RGPD4: variants seen among roughly 807,000 people sequenced by gnomAD.
RGPD4 encodes ranBP2-like and GRIP domain-containing protein 4.
In RGPD4, 84 loss-of-function variants were observed where a neutral mutation model predicts 141.1. The ratio of observed to expected loss-of-function variants is 0.60; its 90% CI spans 0.50 to 0.71. The LOEUF is 0.71. Among genes scored for constraint, RGPD4 ranks in the 30% least tolerant of loss-of-function variants. RGPD4 has a pLI of 0.00. For missense variants in RGPD4, 918 were observed against 1,622.4 expected (o/e 0.57, Z 7.46); for synonymous variants, 298 against 566.8 (o/e 0.53, Z 6.74).
intron 21 of RGPD4, among the ~76,000 whole-genome samples, chr2:107,881,326 CTTTTTT>C: frequency 7.2e-6 from 1 of 138,512 alleles, no homozygotes; most frequent in Middle Eastern, 3.6e-3. Flanking sequence ...GTTATATTTT[CTTTTTT>C]TTTTTGAGAT....
At chr2:107,888,439 C>T (rs1326252970) in intron 22 of RGPD4, among the ~76,000 whole-genome samples, 1 of 151,310 alleles carries the variant, frequency 6.6e-6, no homozygotes, top group African/African-American at 2.4e-5. Flanking sequence ...AACAAGGTTA[C>T]CTCACTTGGA....
chr2:107,888,356 G>T (rs2912706), intron 22 of RGPD4, among the ~76,000 whole-genome samples: 1 of 150,604 alleles, frequency 6.6e-6, no homozygotes. Context: ...ACCATTCATT[G>T]CAGGTGAACA....
chr2:107,854,327 CAG>C (rs1303736253), intron 7 of RGPD4, among the ~76,000 whole-genome samples: 3 of 151,524 alleles, frequency 2.0e-5, no homozygotes, highest in African/African-American at 7.3e-5. Context: ...GCCTCCCAGA[CAG>C]AGTGTTGGGA....
chr2:107,865,476 C>G (rs832369), intron 17 of RGPD4, among the ~76,000 whole-genome samples: 65,493 of 99,638 alleles, frequency 0.66, 21,028 homozygotes, highest in Middle Eastern at 0.73. Context: ...AGGATGGTCA[C>G]TGTAATGTTA....
chr2:107,831,341 T>G (rs1444970949), intron 1 of RGPD4, among the ~76,000 whole-genome samples: 1 of 146,116 alleles, frequency 6.8e-6, no homozygotes, highest in Admixed American at 6.9e-5. Context: ...TATTTATATT[T>G]TTTTTAGAAT....
Position 107,870,759 on chromosome 2 carries a change from T to A in RGPD4, c.2755T>A (p.Ser919Thr). The change falls in exon 20 of 23, where the codon TCT becomes ACT. Residue 919 changes from serine to threonine, a missense_variant. Physicochemically the swap from Ser to Thr is moderately conservative, Grantham distance 58. Coordinates refer to ENST00000408999, the MANE Select transcript of RGPD4 (RefSeq NM_182588.3). ...STKEGFSIPV[S>T]ADGFKFGISE... The stretch of plus-strand genomic sequence containing the variant: ...CAAAGAAGGATTTTCCATCCCTGTG[T>A]CTGCTGATGGATTTAAATTTGGCAT... 1 of 1,610,316 alleles carries A rather than the reference T, an allele frequency of 6.2e-7. No homozygotes were observed. Among genetic ancestry groups the A allele is most frequent in the Non-Finnish European group, 8.5e-7 (1 of 1,179,382 alleles).
intron 1 of RGPD4, among the ~76,000 whole-genome samples, chr2:107,833,834 C>T (rs187512035): frequency 4.6e-5 from 7 of 152,180 alleles, no homozygotes; most frequent in Non-Finnish European, 8.8e-5. Flanking sequence ...GTCGAGAGAG[C>T]GACACCATCT....
chr2:107,868,412 A>G (rs1259094887), intron 18 of RGPD4, among the ~76,000 whole-genome samples: 2 of 151,084 alleles, frequency 1.3e-5, no homozygotes, highest in African/African-American at 4.9e-5. Flanking sequence ...AACAAAAGTG[A>G]TATCAATTTT....
chr2:107,849,578 G>A (rs1179035944), intron 7 of RGPD4, among the ~76,000 whole-genome samples: 1 of 41,092 alleles, frequency 2.4e-5, no homozygotes, highest in Non-Finnish European at 5.0e-5. Flanking sequence ...CACCATGTTA[G>A]CCAGGATGGT....
intron 22 of RGPD4, among the ~76,000 whole-genome samples, chr2:107,885,098 G>A (rs1050340161): frequency 1.3e-5 from 2 of 151,866 alleles, no homozygotes; most frequent in Non-Finnish European, 2.9e-5. Context: ...TGTCACAAGG[G>A]CCCAAATAAG....
At chr2:107,885,885 T>C (rs1252676144) in intron 22 of RGPD4, among the ~76,000 whole-genome samples, 5 of 151,824 alleles carry the variant, frequency 3.3e-5, no homozygotes, top group Admixed American at 2.0e-4. Context: ...AAACCCCGTC[T>C]CTACTCAGAA....
intron 22 of RGPD4, among the ~76,000 whole-genome samples, 173 bp from the exon 23 acceptor site, chr2:107,890,548 C>CAAAAAAAAAAA (rs1210623696): frequency 6.1e-5 from 1 of 16,280 alleles, no homozygotes; most frequent in Non-Finnish European, 9.6e-5. Context: ...GACCCTGTCT[C>CAAAAAAAAAAA]AAAAAAAAAA....
At position 107,826,951 on chromosome 2, in the gene RGPD4, T is replaced by C. The variant is rs553116626; in HGVS notation, c.-63T>C. ...GCTTTCAGGCGCTTTCCTGTTGGAA[T>C]TGGCGACTGCTGCGGGGCTGAGCGC... On this transcript the variant is annotated 5_prime_UTR_variant, in exon 1 of 23. Coordinates refer to ENST00000408999, the MANE Select transcript of RGPD4 (RefSeq NM_182588.3). The C allele has an allele frequency of 1.6e-4, 256 of 1,555,444 alleles. No individual in the cohort carries two copies. The highest frequency in any genetic ancestry group is 9.5e-4 in the South Asian group (80 of 84,422).
chr2:107,829,687 G>GGACCGCGGCGGGCGGGA (rs1681397814), intron 1 of RGPD4, among the ~76,000 whole-genome samples: 1 of 152,136 alleles, frequency 6.6e-6, no homozygotes, highest in Non-Finnish European at 1.5e-5. Flanking sequence ...AGTCCTGGGG[G>GGACCGCGGCGGGCGGGA]GACCGCGGCG....
At chr2:107,829,703 G>T (rs1025887769) in intron 1 of RGPD4, among the ~76,000 whole-genome samples, 1 of 152,126 alleles carries the variant, frequency 6.6e-6, no homozygotes, top group East Asian at 1.9e-4. Flanking sequence ...CGGCGGGCGG[G>T]AGACCTTTGG....
intron 1 of RGPD4, among the ~76,000 whole-genome samples, chr2:107,829,668 C>T (rs892846138): frequency 1.2e-3 from 177 of 152,252 alleles, no homozygotes; most frequent in African/African-American, 4.1e-3. Flanking sequence ...CACTTGCGAG[C>T]GCAGGAAGAG....
At chr2:107,827,417 G>C (rs1346483896) in intron 1 of RGPD4, among the ~76,000 whole-genome samples, 1 of 64,444 alleles carries the variant, frequency 1.6e-5, no homozygotes, top group African/African-American at 8.1e-5. Flanking sequence ...GCCTCGACCC[G>C]GCCCGGCCGC....
chr2:107,858,525 G>A (rs1261776373), intron 9 of RGPD4, among the ~76,000 whole-genome samples: 3 of 151,420 alleles, frequency 2.0e-5, no homozygotes, highest in East Asian at 1.9e-4. Flanking sequence ...TGCAACTTCC[G>A]CCTGCCAGGT....
Position 107,871,752 on chromosome 2 carries a change from G to A in RGPD4, c.3748G>A (p.Asp1250Asn), listed in dbSNP as rs1246903240. ...PENTGPTLEW[D>N]NCDLREDALD... ...AAACACTGGGCCCACATTAGAATGG[G>A]ATAACTGTGATTTAAGGGAAGATGC... is the stretch of plus-strand genomic sequence containing the variant. Residue 1250 changes from aspartate (D) to asparagine (N), a missense_variant, in exon 20 of 23, where the codon GAT becomes AAT. Asp to Asn is a conservative substitution (Grantham distance 23, BLOSUM62 1). Coordinates refer to ENST00000408999, the MANE Select transcript of RGPD4 (RefSeq NM_182588.3). 1.2e-6 allele frequency: 2 copies of A among 1,611,264 alleles called. No individual in the cohort carries two copies. The highest frequency in any genetic ancestry group is 2.2e-5 in the East Asian group (1 of 44,886).
Sources: gnomAD v4.1 joint callset for allele counts (sites outside exome capture counted in the v4.1 genomes callset) on GRCh38, gnomAD v4.1.1 for gene constraint, MANE v1.5 for transcripts, NCBI Gene and HGNC (gene_info 2026-07-23, HGNC 2026-07-21) for gene names.